PRDM10: variants seen among roughly 807,000 people sequenced by gnomAD.
PRDM10 encodes PR domain zinc finger protein 10.
A neutral mutation model predicts 133.1 loss-of-function variants in PRDM10; 65 were observed. That is an observed-to-expected ratio of 0.49 (90% CI 0.40 to 0.60). The LOEUF (loss-of-function observed/expected upper bound fraction) is 0.60. PRDM10 is among the 20% of genes least tolerant of loss of function. The pLI is 0.00. For synonymous variants in PRDM10, 582 were observed against 580.4 expected (o/e 1.00, Z -0.04); for missense variants, 1,137 against 1,507.1 (o/e 0.75, Z 4.07).
At position 129,910,628 on chromosome 11, in the gene PRDM10, G is replaced by A. The variant is rs1345129270; in HGVS notation, c.3011C>T (p.Ala1004Val). 2 of 1,593,988 alleles carry A rather than the reference G, an allele frequency of 1.3e-6. No individual in the cohort carries two copies. Among genetic ancestry groups the A allele is most frequent in the Admixed American group, 1.8e-5 (1 of 56,268 alleles). The stretch of plus-strand genomic sequence containing the variant: ...GCTGAGCCCCTGCTGAGCCTGCTGG[G>A]CTGAGGGACTCAACGGCTGCCCAGA... ...QVSGQPLSPSAQQAQQGLSPS... is the reference protein window; with the variant it reads ...QVSGQPLSPSVQQAQQGLSPS... Residue 1004 changes from alanine (A) to valine (V), a missense_variant, in exon 19 of 21, where the codon GCC becomes GTC. Ala to Val is a moderately conservative substitution (Grantham distance 64). Coordinates refer to ENST00000360871, the MANE Select transcript of PRDM10 (RefSeq NM_199437.2).
chr11:129,963,138 G>A (rs1481595090), intron 1 of PRDM10, among the ~76,000 whole-genome samples: 1 of 147,160 alleles, frequency 6.8e-6, no homozygotes, highest in African/African-American at 2.5e-5. Flanking sequence ...CACAGAGTGA[G>A]ACTCTATCTC....
chr11:129,912,685 G>C (rs1950225825), intron 17 of PRDM10, among the ~76,000 whole-genome samples: 1 of 151,542 alleles, frequency 6.6e-6, no homozygotes, highest in African/African-American at 2.4e-5. Flanking sequence ...CTGGGAGGCG[G>C]AGCTTGCAGT....
At chr11:129,937,957 C>A (rs1216265859) in intron 7 of PRDM10, among the ~76,000 whole-genome samples, 1 of 152,162 alleles carries the variant, frequency 6.6e-6, no homozygotes, top group Non-Finnish European at 1.5e-5. Context: ...CTAAATAAAA[C>A]AGCCTCCCCT....
intron 1 of PRDM10, among the ~76,000 whole-genome samples, chr11:129,987,950 G>A (rs1236553628): frequency 3.9e-5 from 6 of 152,194 alleles, no homozygotes; most frequent in Non-Finnish European, 7.3e-5. Flanking sequence ...GCAGTGAGCC[G>A]AGATAGCGCC....
intron 1 of PRDM10, among the ~76,000 whole-genome samples, 194 bp from the exon 2 acceptor site, chr11:129,961,276 C>T (rs1199332593): frequency 2.0e-5 from 3 of 151,932 alleles, no homozygotes; most frequent in African/African-American, 7.3e-5. Flanking sequence ...GTAATCGCAG[C>T]TCTTTGGGGT....
At chr11:129,999,151 A>G (rs1335073494) in intron 1 of PRDM10, among the ~76,000 whole-genome samples, 1 of 152,116 alleles carries the variant, frequency 6.6e-6, no homozygotes, top group Non-Finnish European at 1.5e-5. Flanking sequence ...TAAAAAAGAA[A>G]AGAGGCCAGA....
At chr11:129,955,359 C>A (rs986963335) in intron 4 of PRDM10, among the ~76,000 whole-genome samples, 153 bp downstream of exon 4, 1 of 152,032 alleles carries the variant, frequency 6.6e-6, no homozygotes, top group Non-Finnish European at 1.5e-5. Flanking sequence ...TATTATGTTG[C>A]ATTTTGCTTT....
chr11:129,932,303 A>G (rs1950896091), intron 9 of PRDM10, 72 bp from the exon 10 acceptor site: 1 of 1,556,304 alleles, frequency 6.4e-7, no homozygotes. Flanking sequence ...GACCTAAATG[A>G]TCCTTACTAA....
chr11:129,926,455 C>G (rs924838991), intron 11 of PRDM10, among the ~76,000 whole-genome samples: 1 of 152,170 alleles, frequency 6.6e-6, no homozygotes, highest in Non-Finnish European at 1.5e-5. Flanking sequence ...TACAAATGAA[C>G]AGTAATTGAA....
intron 1 of PRDM10, among the ~76,000 whole-genome samples, chr11:130,001,624 G>C (rs890577776): frequency 6.6e-6 from 1 of 152,196 alleles, no homozygotes; most frequent in Non-Finnish European, 1.5e-5. Flanking sequence ...CATCCACCAA[G>C]CAAGGCTAAA....
chr11:129,950,011 G>A (rs113306494), intron 4 of PRDM10, among the ~76,000 whole-genome samples: 6,960 of 146,716 alleles, frequency 0.047, 236 homozygotes, highest in East Asian at 0.12. Context: ...TGAGGCAGGA[G>A]GATTGCTTGA....
intron 1 of PRDM10, among the ~76,000 whole-genome samples, chr11:129,986,559 T>C (rs958447897): frequency 6.6e-6 from 1 of 152,132 alleles, no homozygotes; most frequent in Non-Finnish European, 1.5e-5. Flanking sequence ...GCTAATTTTT[T>C]TGTATTTTTA....
At chr11:129,949,819 A>G (rs924412004) in intron 4 of PRDM10, among the ~76,000 whole-genome samples, 1 of 151,998 alleles carries the variant, frequency 6.6e-6, no homozygotes, top group African/African-American at 2.4e-5. Context: ...CTGTAATCCC[A>G]GCTACTCGGG....
chr11:129,909,778 C>T (rs1356722860), intron 19 of PRDM10, among the ~76,000 whole-genome samples: 1 of 152,222 alleles, frequency 6.6e-6, no homozygotes, highest in Non-Finnish European at 1.5e-5. Context: ...CAGCCTGCTA[C>T]TGTTTCCACA....
At chr11:129,968,221 G>A (rs558217589) in intron 1 of PRDM10, among the ~76,000 whole-genome samples, 30 of 152,242 alleles carry the variant, frequency 2.0e-4, no homozygotes, top group Non-Finnish European at 3.5e-4. Context: ...TACTGGCCTC[G>A]CACCTCAAAT....
At chr11:129,905,876 G>T in intron 19 of PRDM10, 135 bp from the exon 20 acceptor site, 1 of 759,304 alleles carries the variant, frequency 1.3e-6, no homozygotes, top group Non-Finnish European at 2.2e-6. Flanking sequence ...TGATTTCTTG[G>T]TGCCGTGAAA....
intron 3 of PRDM10, among the ~76,000 whole-genome samples, chr11:129,957,426 C>T (rs894183596): frequency 6.6e-6 from 1 of 152,134 alleles, no homozygotes; most frequent in Non-Finnish European, 1.5e-5. Context: ...TCAAGCAATT[C>T]TCTGCCTCAG....
intron 12 of PRDM10, 30 bp downstream of exon 12, chr11:129,924,852 C>T: frequency 6.6e-7 from 1 of 1,519,152 alleles, no homozygotes; most frequent in Non-Finnish European, 8.8e-7. Context: ...AAGAAGGAAG[C>T]AGACAGGAAT....
At chr11:129,994,617 A>T (rs370339060) in intron 1 of PRDM10, among the ~76,000 whole-genome samples, 4 of 152,110 alleles carry the variant, frequency 2.6e-5, no homozygotes, top group African/African-American at 7.2e-5. Flanking sequence ...TAAAAAAATT[A>T]AAAAATATTA....
Sources: gnomAD v4.1 joint callset for allele counts (sites outside exome capture counted in the v4.1 genomes callset) on GRCh38, gnomAD v4.1.1 for gene constraint, MANE v1.5 for transcripts, NCBI Gene and HGNC (gene_info 2026-07-23, HGNC 2026-07-21) for gene names.